PRKCQ: variants seen among roughly 807,000 people sequenced by gnomAD.
PRKCQ encodes the protein protein kinase C theta type.
PRKCQ carries 41 observed loss-of-function variants against 91.2 expected under a neutral mutation model. The ratio of observed to expected loss-of-function variants is 0.45; its 90% CI spans 0.35 to 0.58. PRKCQ has a LOEUF of 0.58. PRKCQ is among the 20% of genes least tolerant of loss of function. The pLI, the probability that PRKCQ is intolerant of heterozygous loss-of-function variation, is 0.00. For synonymous variants in PRKCQ, 307 were observed against 316.9 expected (o/e 0.97, Z 0.33); for missense variants, 673 against 896.5 (o/e 0.75, Z 3.18).
chr10:6,444,354 G>C (rs572277245), intron 15 of PRKCQ, among the ~76,000 whole-genome samples: 4 of 151,866 alleles, frequency 2.6e-5, no homozygotes, highest in Admixed American at 2.0e-4. Context: ...ACCGCACCTG[G>C]CACTATTTTT....
intron 3 of PRKCQ, among the ~76,000 whole-genome samples, chr10:6,509,486 G>A (rs1035325333): frequency 6.6e-6 from 1 of 152,082 alleles, no homozygotes; most frequent in African/African-American, 2.4e-5. Flanking sequence ...TAGGCTCACT[G>A]CAACCTCCGC....
intron 7 of PRKCQ, among the ~76,000 whole-genome samples, chr10:6,494,336 T>C (rs936430025): frequency 4.6e-5 from 7 of 152,180 alleles, no homozygotes; most frequent in Non-Finnish European, 1.0e-4. Flanking sequence ...TATCCATCTC[T>C]CCCTGGCCAC....
chr10:6,404,408 TTTC>T, the PRKCQ span, among the ~76,000 whole-genome samples: 1 of 151,010 alleles, frequency 6.6e-6, no homozygotes, highest in East Asian at 2.0e-4. Context: ...TCTTTCCTTC[TTTC>T]TTTCTTTTTT....
At chr10:6,545,908 C>A (rs1226726976) in intron 1 of PRKCQ, among the ~76,000 whole-genome samples, 1 of 151,690 alleles carries the variant, frequency 6.6e-6, no homozygotes, top group Non-Finnish European at 1.5e-5. Flanking sequence ...GAGGCTGAGG[C>A]GGGGAGAATC....
At chr10:6,485,293 ACCAC>A (rs954261020) in intron 9 of PRKCQ, 24 bp from the exon 10 acceptor site, 15 of 1,581,942 alleles carry the variant, frequency 9.5e-6, no homozygotes, top group Non-Finnish European at 1.1e-5. Context: ...AGAGAGTCAG[ACCAC>A]CCACCCACCC....
At chr10:6,547,971 G>A (rs1280425896) in intron 1 of PRKCQ, among the ~76,000 whole-genome samples, 5 of 149,620 alleles carry the variant, frequency 3.3e-5, no homozygotes, top group African/African-American at 7.3e-5. Flanking sequence ...GAAAATTTTC[G>A]CAACCTACTC....
Position 6,465,522 on chromosome 10 carries a change from G to A in PRKCQ, c.1354-1118C>T, listed in dbSNP as rs899852288. Among the ~76,000 whole-genome samples the A allele has an allele frequency of 2.0e-5, 3 of 152,188 alleles. No individual in the cohort carries two copies. Among genetic ancestry groups the A allele is most frequent in the African/African-American group, 7.2e-5 (3 of 41,442 alleles). ...CTTTAGAGAAACCTGATTTTTTAAAGGGTTGTAATGCATCACAGAATCAGT... is the reference window on the plus strand; with the variant it reads ...CTTTAGAGAAACCTGATTTTTTAAAAGGTTGTAATGCATCACAGAATCAGT... On this transcript the variant is annotated intron_variant, in intron 12 of 17. Coordinates refer to ENST00000263125, the MANE Select transcript of PRKCQ (RefSeq NM_006257.5). This position sits in a 1 kb window ranked among gnomAD's most constrained non-coding sequence, Gnocchi z 4.4.
intron 12 of PRKCQ, among the ~76,000 whole-genome samples, chr10:6,472,321 C>CA (rs201986487): frequency 0.016 from 2,335 of 150,530 alleles, 67 homozygotes; most frequent in African/African-American, 0.053. Context: ...AAAAAACAAA[C>CA]AAAAAAAAAG....
intron 1 of PRKCQ, among the ~76,000 whole-genome samples, chr10:6,521,271 A>G (rs973382781): frequency 6.6e-6 from 1 of 152,210 alleles, no homozygotes; most frequent in Non-Finnish European, 1.5e-5. Context: ...CAAAAGCAAC[A>G]TTTTACCAAA....
intron 1 of PRKCQ, among the ~76,000 whole-genome samples, chr10:6,574,071 G>A (rs572218192): frequency 1.3e-5 from 2 of 152,290 alleles, no homozygotes; most frequent in South Asian, 2.1e-4. Context: ...AGCTGAGATC[G>A]TGCCACTGCA....
chr10:6,460,769 G>A (rs926758968), intron 14 of PRKCQ, among the ~76,000 whole-genome samples: 27 of 149,782 alleles, frequency 1.8e-4, no homozygotes, highest in African/African-American at 6.6e-4. Flanking sequence ...GGGATTTGCA[G>A]GTGTGAGCCA....
chr10:6,560,494 C>A (rs1032491909), intron 1 of PRKCQ, among the ~76,000 whole-genome samples: 6 of 152,172 alleles, frequency 3.9e-5, no homozygotes, highest in Non-Finnish European at 7.3e-5. Flanking sequence ...ATGGAACCAT[C>A]AGGACAAAAT....
chr10:6,569,516 A>T (rs112782470), intron 1 of PRKCQ, among the ~76,000 whole-genome samples: 1 of 151,988 alleles, frequency 6.6e-6, no homozygotes, highest in African/African-American at 2.4e-5. Flanking sequence ...GCCTTTGGAG[A>T]ACTTAAGAGC....
intron 1 of PRKCQ, among the ~76,000 whole-genome samples, chr10:6,570,343 G>A (rs907581015): frequency 1.3e-5 from 2 of 152,138 alleles, no homozygotes; most frequent in Non-Finnish European, 2.9e-5. Context: ...GGAAGTAGCT[G>A]GAGGAAGGTA....
rs542568957 is a variant in PRKCQ, at chr10:6,489,138, A to C, written c.790+2545T>G. Among the ~76,000 whole-genome samples the C allele has an allele frequency of 2.6e-5, 4 of 152,010 alleles. No homozygotes were observed. In the East Asian group the frequency reaches 5.8e-4, roughly 22 times the overall value. On this transcript the variant is annotated intron_variant, in intron 8 of 17. Coordinates refer to ENST00000263125, the MANE Select transcript of PRKCQ (RefSeq NM_006257.5). ...TTCATGATTGTGCTCCAAATTCCAC[A>C]TTGTCGGCAAAACTCGCATAACTCA...
chr10:6,405,173 G>T, the PRKCQ span, among the ~76,000 whole-genome samples: 3 of 152,136 alleles, frequency 2.0e-5, no homozygotes, highest in African/African-American at 7.2e-5. Flanking sequence ...GGTAGAGACA[G>T]GGTTTCACCA....
At chr10:6,454,837 C>T (rs926617278) in intron 15 of PRKCQ, among the ~76,000 whole-genome samples, 1 of 152,080 alleles carries the variant, frequency 6.6e-6, no homozygotes, top group Middle Eastern at 3.4e-3. Context: ...GAGAAGAGGA[C>T]CAAGCACTGA....
chr10:6,413,038 C>T, the PRKCQ span, among the ~76,000 whole-genome samples: 11 of 152,130 alleles, frequency 7.2e-5, no homozygotes, highest in African/African-American at 1.9e-4. Flanking sequence ...CTGCAAGCTC[C>T]GCCTCCTGGG....
chr10:6,505,171 C>T (rs980953638), intron 4 of PRKCQ, among the ~76,000 whole-genome samples: 6 of 152,192 alleles, frequency 3.9e-5, no homozygotes, highest in Middle Eastern at 3.2e-3. Context: ...GGATTACAGG[C>T]GTGAGCCACC....
Sources: gnomAD v4.1 joint callset for allele counts (sites outside exome capture counted in the v4.1 genomes callset) on GRCh38, gnomAD v4.1.1 for gene constraint, Gnocchi (gnomAD v3.1) non-coding constraint, MANE v1.5 for transcripts, NCBI Gene and HGNC (gene_info 2026-07-23, HGNC 2026-07-21) for gene names.